The following SDK2 variants were observed in gnomAD, a reference collection of about 807,000 sequenced individuals.
SDK2 encodes protein sidekick-2.
Under a neutral mutation model 253.9 loss-of-function variants are expected in SDK2, and 105 were observed. That is an observed-to-expected ratio of 0.41 (90% confidence interval 0.35 to 0.49). SDK2 has a LOEUF of 0.49. Among genes scored for constraint, SDK2 ranks in the 20% least tolerant of loss-of-function variants. The pLI is 0.06. For synonymous variants in SDK2, 1,249 were observed against 1,234.9 expected (o/e 1.01, Z -0.24); for missense variants, 2,608 against 3,003.0 (o/e 0.87, Z 3.07).
rs2063269886 is a variant in SDK2 at position 73,425,119 on chromosome 17, C to T, written c.1584-1027G>A. On this transcript the variant is annotated intron_variant, in intron 12 of 44. Coordinates refer to ENST00000392650, the MANE Select transcript of SDK2 (RefSeq NM_001144952.2). ...CCTGTAATCCCAGCTACTCTTGAGG[C>T]TGAGGCAGGAGAATCACTTGAACCC... Among the ~76,000 whole-genome samples the T allele has an allele frequency of 2.6e-5, 4 of 152,116 alleles. No individual in the cohort carries two copies. The South Asian group carries it at 8.3e-4, about 31-fold the overall frequency.
chr17:73,440,516 C>T (rs1458260750), intron 6 of SDK2, among the ~76,000 whole-genome samples: 2 of 152,180 alleles, frequency 1.3e-5, no homozygotes, highest in Non-Finnish European at 2.9e-5. Flanking sequence ...CTGGGCTCCT[C>T]CAAGGGTTAG....
At chr17:73,626,987 C>T (rs999348114) in intron 1 of SDK2, among the ~76,000 whole-genome samples, 2 of 152,182 alleles carry the variant, frequency 1.3e-5, no homozygotes, top group South Asian at 2.1e-4. Context: ...CAACACTAGC[C>T]GGGGGGGTGT....
chr17:73,540,203 T>G (rs1780475538), intron 1 of SDK2, among the ~76,000 whole-genome samples: 2 of 152,224 alleles, frequency 1.3e-5, no homozygotes, highest in African/African-American at 4.8e-5. Flanking sequence ...GGAACGATTC[T>G]GCTCAGAGCC....
At chr17:73,499,178 T>C (rs1276314289) in intron 2 of SDK2, among the ~76,000 whole-genome samples, 2 of 152,238 alleles carry the variant, frequency 1.3e-5, no homozygotes, top group African/African-American at 2.4e-5. Flanking sequence ...AAGCCAGAGA[T>C]AAAGCCGCTG....
chr17:73,545,970 A>G (rs1400870599), intron 1 of SDK2, among the ~76,000 whole-genome samples: 4 of 152,200 alleles, frequency 2.6e-5, no homozygotes, highest in Non-Finnish European at 5.9e-5. Context: ...AGGCTTGTGC[A>G]ACCCGGGACT....
chr17:73,576,119 C>T (rs567483505), intron 1 of SDK2, among the ~76,000 whole-genome samples: 1 of 152,268 alleles, frequency 6.6e-6, no homozygotes, highest in Non-Finnish European at 1.5e-5. Flanking sequence ...AAGGGGCTGC[C>T]TGGGATGCCT....
intron 2 of SDK2, 146 bp from the exon 3 acceptor site, chr17:73,472,364 T>C (rs1175959504): frequency 2.4e-5 from 15 of 619,824 alleles, no homozygotes; most frequent in Non-Finnish European, 4.1e-5. Context: ...AGCCATGTCA[T>C]AGGATCACAC....
intron 1 of SDK2, among the ~76,000 whole-genome samples, chr17:73,514,024 G>A (rs1184715240): frequency 6.6e-6 from 1 of 152,176 alleles, no homozygotes; most frequent in Non-Finnish European, 1.5e-5. Context: ...ATACCTTTGT[G>A]TAACATTGAT....
intron 1 of SDK2, among the ~76,000 whole-genome samples, chr17:73,576,950 A>G (rs982140015): frequency 1.3e-5 from 2 of 152,178 alleles, no homozygotes; most frequent in Admixed American, 1.3e-4. Context: ...CCAAGGATAC[A>G]CTGTGGCCTC....
At chr17:73,347,971 C>G (rs753503903) in intron 44 of SDK2, among the ~76,000 whole-genome samples, 6 of 152,212 alleles carry the variant, frequency 3.9e-5, no homozygotes, top group South Asian at 2.1e-4. Context: ...CAGCCTCGGA[C>G]AGAGCCTAGT....
In SDK2 at chr17:73,467,508, T is replaced by C. The variant is rs1218810004; in HGVS notation, c.331+4604A>G. 6.6e-6 allele frequency among the ~76,000 whole-genome samples: 1 copy of C among 152,122 alleles called. No individual in the cohort carries two copies. The highest frequency in any genetic ancestry group is 1.5e-5 in the Non-Finnish European group (1 of 68,018). On this transcript the variant is annotated intron_variant, in intron 3 of 44. Transcript: ENST00000392650. This position sits in a 1 kb window ranked among gnomAD's most constrained non-coding sequence, Gnocchi z 4.1. ...AGCACTGCTATGAGTGAGAATGGTTTTGCCAAGTGCTGTGTTTCCCTAGGC... is the reference window on the plus strand; with the variant it reads ...AGCACTGCTATGAGTGAGAATGGTTCTGCCAAGTGCTGTGTTTCCCTAGGC...
intron 20 of SDK2, 129 bp from the exon 21 acceptor site, chr17:73,401,340 G>T: frequency 1.1e-6 from 1 of 882,286 alleles, no homozygotes; most frequent in Non-Finnish European, 1.7e-6. Context: ...GGCCAAGGGA[G>T]GTGGGAGCTG....
intron 1 of SDK2, among the ~76,000 whole-genome samples, chr17:73,563,116 G>A (rs576358138): frequency 2.0e-5 from 3 of 152,354 alleles, no homozygotes; most frequent in African/African-American, 7.2e-5. Context: ...GGACAGGCAC[G>A]CACCATGGAG....
intron 40 of SDK2, among the ~76,000 whole-genome samples, chr17:73,356,489 G>T (rs925607206): frequency 6.6e-6 from 1 of 152,326 alleles, no homozygotes; most frequent in East Asian, 1.9e-4. Context: ...TTATAGAAAG[G>T]GGGTGTATTT....
At chr17:73,607,479 C>T (rs559169574) in intron 1 of SDK2, among the ~76,000 whole-genome samples, 2 of 152,176 alleles carry the variant, frequency 1.3e-5, no homozygotes, top group Admixed American at 1.3e-4. Context: ...AAGATTGCTG[C>T]CCCTGGGGAG....
At chr17:73,603,294 C>G (rs1402797530) in intron 1 of SDK2, among the ~76,000 whole-genome samples, 1 of 152,216 alleles carries the variant, frequency 6.6e-6, no homozygotes, top group East Asian at 1.9e-4. Context: ...CTGGAAGTGA[C>G]CATTGCTGCC....
intron 5 of SDK2, among the ~76,000 whole-genome samples, chr17:73,442,410 C>T (rs1308413761): frequency 3.3e-5 from 5 of 151,790 alleles, no homozygotes; most frequent in South Asian, 4.2e-4. Flanking sequence ...GGCACGATCT[C>T]GGCTCACCAC....
intron 1 of SDK2, among the ~76,000 whole-genome samples, chr17:73,591,845 C>T (rs747139600): frequency 3.3e-5 from 5 of 152,176 alleles, no homozygotes; most frequent in East Asian, 1.9e-4. Flanking sequence ...AGCCATCACG[C>T]GGCTGTCAGG....
At position 73,438,043 on chromosome 17, in the gene SDK2, G is replaced by T. The variant is rs1002919751; in HGVS notation, c.837C>A (p.Ala279=). 6.4e-7 allele frequency: 1 copy of T among 1,551,674 alleles called. No individual in the cohort carries two copies. Among genetic ancestry groups the T allele is most frequent in the African/African-American group, 1.4e-5 (1 of 73,186 alleles). Residue 279 remains alanine (A), a synonymous_variant, in exon 7 of 45, where the codon GCC becomes GCA. Transcript: ENST00000392650. ...LTIPNPTGSD[A]GYYECEAVLR... Reference sequence around the variant, plus strand: ...GGACAGCCTCACACTCGTAGTAGCCGGCGTCACTGCCGGTGGGGTTGGGGA... The same window carrying T: ...GGACAGCCTCACACTCGTAGTAGCCTGCGTCACTGCCGGTGGGGTTGGGGA...
Sources: gnomAD v4.1 joint callset for allele counts (sites outside exome capture counted in the v4.1 genomes callset) on GRCh38, gnomAD v4.1.1 for gene constraint, Gnocchi (gnomAD v3.1) non-coding constraint, MANE v1.5 for transcripts, NCBI Gene and HGNC (gene_info 2026-07-23, HGNC 2026-07-21) for gene names.